DDAH1: variants seen among roughly 807,000 people sequenced by gnomAD.
DDAH1 encodes the protein N(G),N(G)-dimethylarginine dimethylaminohydrolase 1.
In DDAH1, 19 loss-of-function variants were observed where a neutral mutation model predicts 28.8. The ratio of observed to expected loss-of-function variants is 0.66; its 90% CI spans 0.46 to 0.97. The LOEUF (loss-of-function observed/expected upper bound fraction) is 0.97. Among genes scored for constraint, DDAH1 ranks in the 50% least tolerant of loss-of-function variants. The pLI is 0.00. For missense variants in DDAH1, 326 were observed against 375.9 expected (o/e 0.87, Z 1.10); for synonymous variants, 153 against 154.4 (o/e 0.99, Z 0.07).
chr1:85,511,999 C>T lies in DDAH1; in HGVS notation c.-122-15718G>A, dbSNP rs1040511969. Among the ~76,000 whole-genome samples the T allele has an allele frequency of 7.2e-5, 11 of 152,176 alleles. No individual in the cohort carries two copies. In the South Asian group the frequency reaches 1.0e-3, roughly 14 times the overall value. ...AGGGAATCCTCCCTAACTCATTTTACGAGGCCAGCATCATCCTGATACCAA... is the reference window on the plus strand; with the variant it reads ...AGGGAATCCTCCCTAACTCATTTTATGAGGCCAGCATCATCCTGATACCAA... On this transcript the variant is annotated intron_variant, in intron 1 of 6. Coordinates refer to the DDAH1 transcript ENST00000426972.
At chr1:85,475,967 T>C (rs1191336957) in intron 2 of DDAH1, among the ~76,000 whole-genome samples, 1 of 152,236 alleles carries the variant, frequency 6.6e-6, no homozygotes, top group Non-Finnish European at 1.5e-5. Flanking sequence ...TTCTCCCACC[T>C]TAGTCTCCTG....
At position 85,564,562 on chromosome 1, in the gene DDAH1, C is replaced by A. The variant is rs561702267; in HGVS notation, c.-123+13422G>T. On this transcript the variant is annotated intron_variant, in intron 1 of 6. Coordinates refer to the DDAH1 transcript ENST00000426972. ...AGAAAACTACACCCAAGGCACATCA[C>A]AAATTGCTTAAAAATGGTAATAAAG... 2.6e-5 allele frequency among the ~76,000 whole-genome samples: 4 copies of A among 152,252 alleles called. No homozygotes were observed. The South Asian group carries it at 8.3e-4, about 32-fold the overall frequency.
At chr1:85,516,185 T>G (rs541500440) in intron 1 of DDAH1, among the ~76,000 whole-genome samples, 1 of 151,968 alleles carries the variant, frequency 6.6e-6, no homozygotes, top group Non-Finnish European at 1.5e-5. Context: ...TTTCAACATA[T>G]GAATTTGCTA....
At chr1:85,404,342 A>T in intron 1 of DDAH1, 1 of 1,530,260 alleles carries the variant, frequency 6.5e-7, no homozygotes, top group Non-Finnish European at 8.7e-7. Context: ...CTGAAAGACC[A>T]CATTCTAGAA....
At chr1:85,462,617 C>G (rs1032118376) in intron 1 of DDAH1, among the ~76,000 whole-genome samples, 3 of 151,596 alleles carry the variant, frequency 2.0e-5, no homozygotes, top group Non-Finnish European at 2.9e-5. Flanking sequence ...ATTCATTCAT[C>G]CACTCACTCA....
intron 1 of DDAH1, among the ~76,000 whole-genome samples, chr1:85,538,487 C>T (rs1287911515): frequency 1.8e-4 from 27 of 152,236 alleles, no homozygotes; most frequent in African/African-American, 5.8e-4. Context: ...CACCCGGGGG[C>T]CTACCTCAAT....
At position 85,442,474 on chromosome 1, in the gene DDAH1, T is replaced by C. The variant is rs1654244085; in HGVS notation, c.303+22269A>G. Among the ~76,000 whole-genome samples, 10 of 152,260 alleles carry C rather than the reference T, an allele frequency of 6.6e-5. 1 individual carries two copies. In the South Asian group the frequency reaches 2.1e-3, roughly 31 times the overall value. The stretch of plus-strand genomic sequence containing the variant: ...TCCAAGTTTTTGCTATTGTGAATAG[T>C]GCTGCAATAAACATAAGTGTGCAAA... On this transcript the variant is annotated intron_variant, in intron 1 of 5. Transcript: ENST00000284031.
intron 1 of DDAH1, among the ~76,000 whole-genome samples, chr1:85,536,362 G>C (rs1658277019): frequency 6.6e-6 from 1 of 151,792 alleles, no homozygotes; most frequent in Non-Finnish European, 1.5e-5. Context: ...AGACCATCCT[G>C]GCCAACATGG....
At chr1:85,324,272 A>AAATAATAATAATAATAAT (rs71075831) in intron 5 of DDAH1, among the ~76,000 whole-genome samples, 9,200 of 142,136 alleles carry the variant, frequency 0.065, 337 homozygotes, top group South Asian at 0.1. Flanking sequence ...CCTGTCTCAA[A>AAATAATAATAATAATAAT]AATAATAATA....
intron 4 of DDAH1, among the ~76,000 whole-genome samples, chr1:85,329,057 A>G (rs1323827825): frequency 1.3e-5 from 2 of 152,354 alleles, no homozygotes; most frequent in East Asian, 1.9e-4. Flanking sequence ...GCCTGACTTT[A>G]TTCACTGGAT....
intron 1 of DDAH1, among the ~76,000 whole-genome samples, chr1:85,538,859 C>A (rs530885841): frequency 6.6e-6 from 1 of 152,228 alleles, no homozygotes; most frequent in Non-Finnish European, 1.5e-5. Flanking sequence ...TTATACTCTA[C>A]ACTGTTGGCC....
Position 85,414,044 on chromosome 1 carries a change from C to A in DDAH1, c.303+50699G>T, listed in dbSNP as rs537511993. 3.0e-4 allele frequency among the ~76,000 whole-genome samples: 46 copies of A among 152,282 alleles called. 1 individual carries two copies. In the South Asian group the frequency reaches 8.5e-3, roughly 28 times the overall value. ...TGCTTAACATGTATCAGGTCAGGCA[C>A]TGTACATTTAACTTTCAAAATAATT... On this transcript the variant is annotated intron_variant, in intron 1 of 5. Transcript: ENST00000284031.
chr1:85,413,464 G>C (rs1652751551), intron 1 of DDAH1, among the ~76,000 whole-genome samples: 1 of 152,214 alleles, frequency 6.6e-6, no homozygotes, highest in Non-Finnish European at 1.5e-5. Flanking sequence ...GTATTTTGTG[G>C]AAGTCCAAGA....
At chr1:85,430,396 C>T (rs1557621079) in intron 1 of DDAH1, among the ~76,000 whole-genome samples, 1 of 152,100 alleles carries the variant, frequency 6.6e-6, no homozygotes, top group Non-Finnish European at 1.5e-5. Context: ...TGTTTTGGTT[C>T]CATATGAAAT....
At chr1:85,562,765 T>C (rs1034532591) in intron 1 of DDAH1, among the ~76,000 whole-genome samples, 1 of 152,310 alleles carries the variant, frequency 6.6e-6, no homozygotes, top group East Asian at 1.9e-4. Flanking sequence ...GCTAACACCT[T>C]GATTTCAGAC....
intron 1 of DDAH1, among the ~76,000 whole-genome samples, chr1:85,441,372 C>T (rs889107912): frequency 2.0e-5 from 3 of 152,042 alleles, no homozygotes; most frequent in African/African-American, 7.2e-5. Context: ...GAAACCCCGT[C>T]TCTACCAAAA....
intron 1 of DDAH1, among the ~76,000 whole-genome samples, chr1:85,396,813 T>C (rs1050279192): frequency 5.3e-5 from 8 of 152,196 alleles, no homozygotes; most frequent in Admixed American, 1.3e-4. Flanking sequence ...AGTGGGCAGA[T>C]TGCTTGAGTC....
At chr1:85,458,187 A>T (rs1189666198) in intron 1 of DDAH1, among the ~76,000 whole-genome samples, 2 of 152,184 alleles carry the variant, frequency 1.3e-5, no homozygotes, top group African/African-American at 4.8e-5. Flanking sequence ...TTGTTGGACA[A>T]AATTAAACCA....
At chr1:85,570,136 A>G in intron 1 of DDAH1, among the ~76,000 whole-genome samples, 1 of 152,132 alleles carries the variant, frequency 6.6e-6, no homozygotes, top group East Asian at 1.9e-4. Context: ...ACCACTGACG[A>G]GACTGAGACC....
Sources: allele counts gnomAD v4.1 joint callset (sites outside exome capture counted in the v4.1 genomes callset), GRCh38; gene constraint gnomAD v4.1.1; transcripts MANE v1.5; gene names NCBI Gene and HGNC (gene_info 2026-07-23, HGNC 2026-07-21).